The following SNX4 variants were observed in gnomAD, a reference collection of about 807,000 sequenced individuals.
SNX4 encodes sorting nexin-4.
Under a neutral mutation model 70.8 loss-of-function variants are expected in SNX4, and 49 were observed. The observed-to-expected ratio is 0.69, with a 90% confidence interval of 0.55 to 0.88. SNX4 has a LOEUF of 0.88. SNX4 is among the 40% of genes least tolerant of loss of function. The pLI is 0.00. For missense variants in SNX4, 528 were observed against 544.8 expected, an observed-to-expected ratio of 0.97 and a Z score of 0.31; for synonymous variants, 206 against 183.8, an observed-to-expected ratio of 1.12 and a Z score of -0.98.
chr3:125,506,344 C>CTT (rs552693772), intron 1 of SNX4, among the ~76,000 whole-genome samples: 10 of 137,718 alleles, frequency 7.3e-5, no homozygotes, highest in South Asian at 2.3e-4. Flanking sequence ...TTTTTCATTT[C>CTT]TTTTTTTTTT....
intron 6 of SNX4, among the ~76,000 whole-genome samples, chr3:125,488,372 G>A (rs1934579400): frequency 6.6e-6 from 1 of 151,924 alleles, no homozygotes; most frequent in Non-Finnish European, 1.5e-5. Flanking sequence ...CTACTCGGGA[G>A]GCGGAGGCAG....
intron 5 of SNX4, among the ~76,000 whole-genome samples, chr3:125,491,074 A>G (rs1934649326): frequency 6.6e-6 from 1 of 152,214 alleles, no homozygotes; most frequent in South Asian, 2.1e-4. Context: ...CTAGAACTCC[A>G]GACCAAAAGA....
At chr3:125,452,110 ATTT>A (rs111634536) in intron 12 of SNX4, among the ~76,000 whole-genome samples, 1 of 141,044 alleles carries the variant, frequency 7.1e-6, no homozygotes, top group Non-Finnish European at 1.6e-5. Flanking sequence ...CACGTTTAGC[ATTT>A]TTTTTTTTTT....
intron 1 of SNX4, among the ~76,000 whole-genome samples, chr3:125,507,828 G>A (rs1935082314): frequency 1.3e-5 from 2 of 151,856 alleles, no homozygotes; most frequent in Admixed American, 6.6e-5. Context: ...CAGGAGAATC[G>A]CCTGAACCCA....
intron 1 of SNX4, among the ~76,000 whole-genome samples, chr3:125,506,417 C>T (rs1025916267): frequency 2.7e-5 from 4 of 150,808 alleles, no homozygotes; most frequent in African/African-American, 7.4e-5. Context: ...CTCAATTCAG[C>T]GCAACCTCAG....
intron 1 of SNX4, among the ~76,000 whole-genome samples, chr3:125,519,573 A>T (rs1243833900): frequency 1.3e-5 from 2 of 151,570 alleles, no homozygotes; most frequent in Non-Finnish European, 2.9e-5. Flanking sequence ...CTTCCTTCTC[A>T]AGCACTGTTG....
intron 1 of SNX4, among the ~76,000 whole-genome samples, chr3:125,509,929 G>A (rs1371775721): frequency 1.3e-5 from 2 of 151,990 alleles, no homozygotes; most frequent in African/African-American, 4.8e-5. Context: ...TATTAGAATG[G>A]CTACTATGAA....
At chr3:125,464,074 C>T (rs1313400272) in intron 9 of SNX4, among the ~76,000 whole-genome samples, 2 of 152,022 alleles carry the variant, frequency 1.3e-5, no homozygotes, top group Admixed American at 6.6e-5. Flanking sequence ...AATAGTAAAA[C>T]ATACATAATA....
intron 6 of SNX4, among the ~76,000 whole-genome samples, chr3:125,482,137 C>T (rs1422139241): frequency 4.6e-5 from 7 of 152,188 alleles, no homozygotes; most frequent in Non-Finnish European, 1.0e-4. Flanking sequence ...TCAATCTATA[C>T]ATTCCTATGT....
intron 8 of SNX4, among the ~76,000 whole-genome samples, chr3:125,473,723 A>G (rs944644715): frequency 2.0e-5 from 3 of 151,988 alleles, no homozygotes; most frequent in Non-Finnish European, 4.4e-5. Flanking sequence ...CCTAAATTCA[A>G]TTTCTCTACA....
chr3:125,518,745 G>A (rs1484161906), intron 1 of SNX4, among the ~76,000 whole-genome samples: 1 of 151,990 alleles, frequency 6.6e-6, no homozygotes, highest in Non-Finnish European at 1.5e-5. Flanking sequence ...GCTCACGCCT[G>A]TAATCCCAGC....
intron 7 of SNX4, among the ~76,000 whole-genome samples, chr3:125,477,710 G>A (rs996501894): frequency 3.3e-5 from 5 of 152,148 alleles, no homozygotes; most frequent in Non-Finnish European, 7.3e-5. Flanking sequence ...GGTGTATGAG[G>A]ATCATAAAAT....
chr3:125,496,918 G>C (rs996845026), intron 5 of SNX4, among the ~76,000 whole-genome samples: 1 of 151,982 alleles, frequency 6.6e-6, no homozygotes, highest in Non-Finnish European at 1.5e-5. Flanking sequence ...AGACTGCTAA[G>C]GTTGGACTCT....
At chr3:125,518,685 G>A (rs1163633911) in intron 1 of SNX4, among the ~76,000 whole-genome samples, 1 of 151,914 alleles carries the variant, frequency 6.6e-6, no homozygotes, top group Non-Finnish European at 1.5e-5. Context: ...TGGGTAACAT[G>A]GTGAAAACCC....
chr3:125,518,483 A>G (rs1935326070), intron 1 of SNX4, among the ~76,000 whole-genome samples: 1 of 152,034 alleles, frequency 6.6e-6, no homozygotes, highest in Non-Finnish European at 1.5e-5. Context: ...AAGCACATCC[A>G]AAAAAGTCTT....
At chr3:125,482,396 C>T (rs1164140309) in intron 6 of SNX4, among the ~76,000 whole-genome samples, 2 of 152,162 alleles carry the variant, frequency 1.3e-5, no homozygotes, top group Admixed American at 1.3e-4. Context: ...TCTCCTTCAC[C>T]TCATACATTC....
intron 2 of SNX4, 109 bp downstream of exon 2, chr3:125,504,514 G>GA (rs574001219): frequency 0.019 from 18,037 of 959,802 alleles, no homozygotes; most frequent in South Asian, 0.022. Flanking sequence ...AGTCAATCCC[G>GA]AAAAAAAAAA....
chr3:125,482,875 C>A (rs925976177), intron 6 of SNX4, among the ~76,000 whole-genome samples: 3 of 152,106 alleles, frequency 2.0e-5, no homozygotes, highest in Admixed American at 2.0e-4. Flanking sequence ...AAGATTGGCT[C>A]CCAATTAAGT....
At chr3:125,486,513 CT>C (rs1934537727) in intron 6 of SNX4, among the ~76,000 whole-genome samples, 1 of 152,084 alleles carries the variant, frequency 6.6e-6, no homozygotes, top group Non-Finnish European at 1.5e-5. Flanking sequence ...ATAGTCCCAG[CT>C]ACTCAGGAGG....
Sources: allele counts gnomAD v4.1 joint callset (sites outside exome capture counted in the v4.1 genomes callset), GRCh38; gene constraint gnomAD v4.1.1; transcripts MANE v1.5; gene names NCBI Gene and HGNC (gene_info 2026-07-23, HGNC 2026-07-21).